Variants in SMAD9 observed in about 807,000 individuals in gnomAD.
SMAD9 encodes MAD homolog 9.
SMAD9 carries 36 observed loss-of-function variants against 46.1 expected under a neutral mutation model. The observed-to-expected ratio is 0.78, with a 90% confidence interval of 0.60 to 1.03. The LOEUF is 1.03. SMAD9 is among the 50% of genes least tolerant of loss of function. SMAD9 has a pLI of 0.00. For synonymous variants in SMAD9, 245 were observed against 237.1 expected (o/e 1.03, Z -0.31); for missense variants, 572 against 599.8 (o/e 0.95, Z 0.48).
intron 1 of SMAD9, among the ~76,000 whole-genome samples, chr13:36,901,948 A>G (rs2058579926): frequency 6.6e-6 from 1 of 152,058 alleles, no homozygotes; most frequent in African/African-American, 2.4e-5. Flanking sequence ...CCTTTTCTGT[A>G]TGTTGTCTTT....
chr13:36,885,622 G>C (rs2058438689), intron 1 of SMAD9, among the ~76,000 whole-genome samples: 1 of 151,800 alleles, frequency 6.6e-6, no homozygotes. Flanking sequence ...TATCCATGAA[G>C]GGTCAGTTCT....
At chr13:36,917,072 G>C (rs1035700348) in intron 1 of SMAD9, among the ~76,000 whole-genome samples, 1 of 152,142 alleles carries the variant, frequency 6.6e-6, no homozygotes, top group Non-Finnish European at 1.5e-5. Flanking sequence ...TACAAGTCAG[G>C]CAAGTGCGGC....
chr13:36,865,929 G>A lies in SMAD9; in HGVS notation c.782-171C>T, dbSNP rs1310362848. Reference sequence around the variant, plus strand: ...TGTAGCTCTCATGGGAGCTGTTTGGGGCCGGCTCATTTCACTAGCACACCT... The same window carrying A: ...TGTAGCTCTCATGGGAGCTGTTTGGAGCCGGCTCATTTCACTAGCACACCT... On this transcript the variant is annotated intron_variant, in intron 4 of 6. Transcript: ENST00000379826. 5.9e-5 allele frequency among the ~76,000 whole-genome samples: 9 copies of A among 152,130 alleles called. 1 individual carries two copies. Among genetic ancestry groups the A allele is most frequent in the Admixed American group, 5.2e-4 (8 of 15,264 alleles).
intron 5 of SMAD9, among the ~76,000 whole-genome samples, chr13:36,855,754 ATATT>A (rs1393093220): frequency 2.0e-5 from 3 of 152,192 alleles, no homozygotes; most frequent in Non-Finnish European, 4.4e-5. Context: ...ACATCCCACC[ATATT>A]TATTGTTTCC....
intron 1 of SMAD9, among the ~76,000 whole-genome samples, chr13:36,887,039 G>GT (rs1289826760): frequency 8.1e-5 from 10 of 123,810 alleles, no homozygotes; most frequent in South Asian, 2.7e-4. Flanking sequence ...CCTTTGAATG[G>GT]GTTTTTTTTT....
chr13:36,915,496 A>T (rs2058691754), intron 1 of SMAD9, among the ~76,000 whole-genome samples: 1 of 152,212 alleles, frequency 6.6e-6, no homozygotes, highest in African/African-American at 2.4e-5. Context: ...TCACATAAAA[A>T]TAATCCCCAC....
At chr13:36,895,853 A>G (rs1407423232) in intron 1 of SMAD9, among the ~76,000 whole-genome samples, 2 of 152,170 alleles carry the variant, frequency 1.3e-5, no homozygotes, top group African/African-American at 4.8e-5. Flanking sequence ...TCAGATATTA[A>G]TCTACTTGAA....
chr13:36,896,996 G>C (rs1469701590), intron 1 of SMAD9, among the ~76,000 whole-genome samples: 2 of 151,530 alleles, frequency 1.3e-5, no homozygotes, highest in Non-Finnish European at 2.9e-5. Flanking sequence ...AACAGATTTA[G>C]AACACTCTAT....
intron 1 of SMAD9, among the ~76,000 whole-genome samples, chr13:36,891,954 A>C (rs1179661701): frequency 3.9e-5 from 6 of 152,088 alleles, no homozygotes; most frequent in African/African-American, 1.4e-4. Context: ...AAAACCAAAA[A>C]CTGAATCTGT....
rs2058050014 is a variant in SMAD9 at position 36,848,490 on chromosome 13, T to C, written c.*186A>G. On this transcript the variant is annotated 3_prime_UTR_variant, in exon 7 of 7. Coordinates refer to ENST00000379826, the MANE Select transcript of SMAD9 (RefSeq NM_001127217.3). Reference sequence around the variant, plus strand: ...AGGCACCAAAGTCCTGCTTTTCCAATTGCACTGTACTGGCATCAGGTTAAC... The same window carrying C: ...AGGCACCAAAGTCCTGCTTTTCCAACTGCACTGTACTGGCATCAGGTTAAC... 1 of 639,174 alleles carries C rather than the reference T, an allele frequency of 1.6e-6. No homozygotes were observed. Among genetic ancestry groups the C allele is most frequent in the Non-Finnish European group, 2.7e-6 (1 of 363,708 alleles). The allele number at this position is 639,174 out of a possible 1,614,324, so 39.6% of individuals were successfully genotyped here. A position where few individuals can be genotyped will look rare whatever the true frequency, so the allele number is the denominator to read the frequency against.
At chr13:36,876,131 T>A (rs1356172956) in intron 2 of SMAD9, among the ~76,000 whole-genome samples, 2 of 152,154 alleles carry the variant, frequency 1.3e-5, no homozygotes, top group Admixed American at 6.5e-5. Flanking sequence ...CTCATGCCTA[T>A]CTTATGCCAC....
At chr13:36,852,221 T>A (rs1384602705) in intron 6 of SMAD9, 1 of 875,652 alleles carries the variant, frequency 1.1e-6, no homozygotes, top group Non-Finnish European at 1.4e-6. Context: ...ATAATTTGAG[T>A]ATAGAAAAAT....
At chr13:36,850,880 T>C (rs2058069104) in intron 6 of SMAD9, among the ~76,000 whole-genome samples, 1 of 152,192 alleles carries the variant, frequency 6.6e-6, no homozygotes, top group East Asian at 1.9e-4. Flanking sequence ...TTCTCCATCT[T>C]GATTGAAGGC....
At chr13:36,879,164 C>CTCT in intron 2 of SMAD9, 114 bp downstream of exon 2, 1 of 766,116 alleles carries the variant, frequency 1.3e-6, no homozygotes, top group South Asian at 1.8e-5. Context: ...CTCCTCTCTT[C>CTCT]TCTCTCTCTC....
chr13:36,868,563 G>C (rs751756381), intron 3 of SMAD9, among the ~76,000 whole-genome samples: 2 of 151,976 alleles, frequency 1.3e-5, no homozygotes, highest in Non-Finnish European at 1.5e-5. Context: ...AACATGATGA[G>C]ACCCCATCCT....
chr13:36,877,793 C>G (rs1193452005), intron 2 of SMAD9, among the ~76,000 whole-genome samples: 3 of 152,160 alleles, frequency 2.0e-5, no homozygotes, highest in African/African-American at 7.2e-5. Flanking sequence ...CATCCACACA[C>G]AGGTAGATGT....
Position 36,892,609 on chromosome 13 carries a change from T to C in SMAD9, c.-186-12734A>G, listed in dbSNP as rs140984309. Among the ~76,000 whole-genome samples the C allele has an allele frequency of 5.3e-5, 8 of 152,332 alleles. No homozygotes were observed. The East Asian group carries it at 1.2e-3, about 22-fold the overall frequency. Reference sequence around the variant, plus strand: ...CAACTGTCCATAAACATTCCAGTCTTCTGAGAGTGAAATGGATCGGACTAC... The same window carrying C: ...CAACTGTCCATAAACATTCCAGTCTCCTGAGAGTGAAATGGATCGGACTAC... On this transcript the variant is annotated intron_variant, in intron 1 of 6. Coordinates refer to ENST00000379826, the MANE Select transcript of SMAD9 (RefSeq NM_001127217.3).
intron 5 of SMAD9, among the ~76,000 whole-genome samples, chr13:36,861,670 C>T (rs2058183771): frequency 6.6e-6 from 1 of 151,162 alleles, no homozygotes; most frequent in African/African-American, 2.4e-5. Context: ...TGGCTTACAC[C>T]TGTAATCCCA....
intron 6 of SMAD9, chr13:36,852,139 G>A (rs1283476894): frequency 1.0e-6 from 1 of 966,890 alleles, no homozygotes; most frequent in Admixed American, 6.2e-5. Context: ...ATAATTTCAA[G>A]CAGCTGTTTT....
Sources: gnomAD v4.1 joint callset for allele counts (sites outside exome capture counted in the v4.1 genomes callset) on GRCh38, gnomAD v4.1.1 for gene constraint, MANE v1.5 for transcripts, NCBI Gene and HGNC (gene_info 2026-07-23, HGNC 2026-07-21) for gene names.